L3MBTL4: variants seen among roughly 807,000 people sequenced by gnomAD.
L3MBTL4 encodes the protein lethal(3)malignant brain tumor-like protein 4.
Under a neutral mutation model 84.5 loss-of-function variants are expected in L3MBTL4, and 70 were observed. That is an observed-to-expected ratio of 0.83 (90% CI 0.68 to 1.01). The LOEUF is 1.01. Among genes scored for constraint, L3MBTL4 ranks in the 50% least tolerant of loss-of-function variants. L3MBTL4 has a pLI of 0.00. For missense variants in L3MBTL4, 715 were observed against 754.8 expected (o/e 0.95, Z 0.62); for synonymous variants, 274 against 259.8 (o/e 1.05, Z -0.52).
chr18:6,410,449 T>C (rs1568622256), intron 1 of L3MBTL4, among the ~76,000 whole-genome samples: 2 of 151,996 alleles, frequency 1.3e-5, no homozygotes, highest in Non-Finnish European at 2.9e-5. Flanking sequence ...GTCACCCCCA[T>C]ACACACAGTG....
At chr18:6,167,336 C>T (rs1409395783) in intron 13 of L3MBTL4, among the ~76,000 whole-genome samples, 1 of 152,202 alleles carries the variant, frequency 6.6e-6, no homozygotes, top group Non-Finnish European at 1.5e-5. Context: ...ATGAGGCCAG[C>T]ATCATCCTGA....
At chr18:6,400,705 C>T (rs772268630) in intron 1 of L3MBTL4, among the ~76,000 whole-genome samples, 1 of 152,194 alleles carries the variant, frequency 6.6e-6, no homozygotes, top group Non-Finnish European at 1.5e-5. Flanking sequence ...AGACACCACA[C>T]CCGGCACAGG....
chr18:6,409,250 A>T (rs775827614), intron 1 of L3MBTL4, among the ~76,000 whole-genome samples: 56 of 152,312 alleles, frequency 3.7e-4, no homozygotes, highest in South Asian at 4.1e-4. Context: ...CAGGCCTGGA[A>T]TTGTGGCTAT....
intron 14 of L3MBTL4, among the ~76,000 whole-genome samples, chr18:6,095,655 C>T (rs2058617487): frequency 1.3e-5 from 2 of 152,216 alleles, no homozygotes; most frequent in South Asian, 2.1e-4. Flanking sequence ...CGGCCGGGGA[C>T]ATGGTTTTTA....
chr18:6,131,372 G>A (rs1019442453), intron 14 of L3MBTL4, among the ~76,000 whole-genome samples: 2 of 152,108 alleles, frequency 1.3e-5, no homozygotes, highest in Admixed American at 1.3e-4. Flanking sequence ...AACCGGAGGG[G>A]CTTGGTCTTT....
intron 12 of L3MBTL4, among the ~76,000 whole-genome samples, chr18:6,203,366 G>T (rs1280451705): frequency 6.6e-6 from 1 of 152,134 alleles, no homozygotes; most frequent in East Asian, 1.9e-4. Context: ...CCCAAAGCAG[G>T]GAGTATACAT....
In L3MBTL4 at chr18:6,244,477, C is replaced by G. The variant is rs2047575476; in HGVS notation, c.324+7G>C. 1.3e-6 allele frequency: 2 copies of G among 1,584,316 alleles called. No homozygotes were observed. The highest frequency in any genetic ancestry group is 8.7e-7 in the Non-Finnish European group (1 of 1,153,096). On this transcript the variant is annotated splice_region_variant and intron_variant, in intron 6 of 18. Transcript: ENST00000317931. ...AATTAGCCCAAGACAGTAACACCACCTCTTACCTCCGCTACAGAAAGCACA... is the reference window on the plus strand; with the variant it reads ...AATTAGCCCAAGACAGTAACACCACGTCTTACCTCCGCTACAGAAAGCACA...
At chr18:6,241,543 G>C in intron 7 of L3MBTL4, 94 bp from the exon 8 acceptor site, 1 of 673,624 alleles carries the variant, frequency 1.5e-6, no homozygotes, top group Non-Finnish European at 2.5e-6. Flanking sequence ...TGCGGTTTTG[G>C]CCATTACTTT....
At chr18:6,310,294 A>G (rs1334532991) in intron 3 of L3MBTL4, among the ~76,000 whole-genome samples, 3 of 152,184 alleles carry the variant, frequency 2.0e-5, no homozygotes, top group Non-Finnish European at 4.4e-5. Flanking sequence ...TCCCTTATAC[A>G]TTTAGAGCTC....
At chr18:6,389,240 A>C (rs1007261006) in intron 1 of L3MBTL4, among the ~76,000 whole-genome samples, 8 of 152,126 alleles carry the variant, frequency 5.3e-5, no homozygotes, top group African/African-American at 1.9e-4. Context: ...CAGACAAACA[A>C]ATGCTGAGGG....
intron 1 of L3MBTL4, among the ~76,000 whole-genome samples, chr18:6,321,775 T>C (rs1244425967): frequency 6.6e-6 from 1 of 152,170 alleles, no homozygotes; most frequent in Non-Finnish European, 1.5e-5. Flanking sequence ...TAGGATATTA[T>C]TCTAAGTGAC....
chr18:6,390,591 C>A (rs2055005985), intron 1 of L3MBTL4, among the ~76,000 whole-genome samples: 2 of 151,752 alleles, frequency 1.3e-5, no homozygotes, highest in Non-Finnish European at 2.9e-5. Context: ...CTATATTAAC[C>A]AAGAAAAGAA....
intron 5 of L3MBTL4, among the ~76,000 whole-genome samples, chr18:6,262,304 G>A (rs2048441447): frequency 6.6e-6 from 1 of 152,168 alleles, no homozygotes; most frequent in South Asian, 2.1e-4. Flanking sequence ...CACCTTCAAA[G>A]ATCTTTACAC....
At chr18:6,156,844 T>G (rs1249754686) in intron 13 of L3MBTL4, among the ~76,000 whole-genome samples, 1 of 152,198 alleles carries the variant, frequency 6.6e-6, no homozygotes, top group Non-Finnish European at 1.5e-5. Context: ...TGACAGAAAC[T>G]GCTATGCCAC....
At chr18:6,138,814 A>C (rs2060110882) in intron 13 of L3MBTL4, among the ~76,000 whole-genome samples, 1 of 152,198 alleles carries the variant, frequency 6.6e-6, no homozygotes, top group African/African-American at 2.4e-5. Flanking sequence ...AGCCTCCCAA[A>C]GTACTGGGAT....
chr18:6,099,869 A>G lies in L3MBTL4; in HGVS notation c.1200-6341T>C, dbSNP rs1030083146. On this transcript the variant is annotated intron_variant, in intron 14 of 18. Coordinates refer to ENST00000317931, the MANE Select transcript of L3MBTL4 (RefSeq NM_001330559.2). ...TCTATATCTATCTACCTAACTATCTATCTATGACTCAATGAGTTCAAAGAG... is the reference window on the plus strand; with the variant it reads ...TCTATATCTATCTACCTAACTATCTGTCTATGACTCAATGAGTTCAAAGAG... Among the ~76,000 whole-genome samples the G allele has an allele frequency of 2.0e-5, 3 of 152,082 alleles. No homozygotes were observed. In the East Asian group the frequency reaches 5.8e-4, roughly 30 times the overall value.
At chr18:6,147,985 G>A (rs2042726269) in intron 13 of L3MBTL4, among the ~76,000 whole-genome samples, 1 of 152,158 alleles carries the variant, frequency 6.6e-6, no homozygotes, top group Admixed American at 6.5e-5. Context: ...ATTTAAATAT[G>A]AGTACAGTAT....
At chr18:6,366,045 C>T (rs988731875) in intron 1 of L3MBTL4, among the ~76,000 whole-genome samples, 2 of 152,196 alleles carry the variant, frequency 1.3e-5, no homozygotes, top group African/African-American at 4.8e-5. Flanking sequence ...CTTCTGTAAC[C>T]TCAATTATAT....
intron 16 of L3MBTL4, among the ~76,000 whole-genome samples, chr18:6,008,856 G>A (rs571780920): frequency 6.6e-6 from 1 of 152,322 alleles, no homozygotes; most frequent in East Asian, 1.9e-4. Context: ...GCAACAGTCT[G>A]TGTGTTGTCT....
Sources: allele counts gnomAD v4.1 joint callset (sites outside exome capture counted in the v4.1 genomes callset), GRCh38; gene constraint gnomAD v4.1.1; transcripts MANE v1.5; gene names NCBI Gene and HGNC (gene_info 2026-07-23, HGNC 2026-07-21).